The following ATAD3B variants were observed in gnomAD, a reference collection of about 807,000 sequenced individuals.
ATAD3B encodes ATPase family AAA domain containing 3B.
In ATAD3B, 59 loss-of-function variants were observed where a neutral mutation model predicts 70.2. The ratio of observed to expected loss-of-function variants is 0.84; its 90% CI spans 0.68 to 1.04. The LOEUF is 1.04. Among genes scored for constraint, ATAD3B ranks in the 50% least tolerant of loss-of-function variants. The probability of loss-of-function intolerance (pLI) is 0.00; values close to 1 mark genes in which losing one functional copy is unlikely to be tolerated. For synonymous variants in ATAD3B, 423 were observed against 388.6 expected, an observed-to-expected ratio of 1.09 and a Z score of -1.04; for missense variants, 961 against 913.4, an observed-to-expected ratio of 1.05 and a Z score of -0.67.
chr1:1,487,906 C>T lies in ATAD3B; in HGVS notation c.1258C>T (p.Arg420Ter), dbSNP rs571285142. 1.0e-5 allele frequency: 16 copies of T among 1,603,078 alleles called. 1 individual carries two copies. The highest frequency in any genetic ancestry group is 1.3e-5 in the African/African-American group (1 of 74,718). ...TGAAGCAGACGCCTTCCTTCGGAAG[C>T]GAGCCACTGTGAGTGTCACTAAGCC... Reference protein sequence around the residue: ...MDEADAFLRKRATEEISKDLR... With the variant: ...MDEADAFLRK Residue 420 changes from arginine to a stop codon, truncating the protein, a stop_gained, in exon 12 of 16, where the codon CGA becomes TGA. Transcript: ENST00000673477. LOFTEE classifies it high-confidence loss of function.
chr1:1,482,637 G>T lies in ATAD3B; in HGVS notation c.750+23G>T. ...ACGGTAAACATATTCATAAAACAGG[G>T]CTGGCAGGTGGCTGAGAGGCAGCAT... On this transcript the variant is annotated intron_variant, in intron 7 of 15. Coordinates refer to ENST00000673477, the MANE Select transcript of ATAD3B (RefSeq NM_031921.6). 6.2e-7 allele frequency: 1 copy of T among 1,613,290 alleles called. No homozygotes were observed. The highest frequency in any genetic ancestry group is 8.5e-7 in the Non-Finnish European group (1 of 1,179,508).
rs748870883 is a variant in ATAD3B at position 1,490,275 on chromosome 1, C to G, written c.1356C>G (p.Ala452=). The part of the protein sequence containing the change: ...QHSNKFMLVL[A]SNLPEQFDCA... Reference sequence around the variant, plus strand: ...CCTACAGATTCATGCTGGTCCTGGCCAGCAATCTGCCTGAGCAGTTCGACT... The same window carrying G: ...CCTACAGATTCATGCTGGTCCTGGCGAGCAATCTGCCTGAGCAGTTCGACT... The change falls in exon 14 of 16, where the codon GCC becomes GCG. Residue 452 remains alanine, a synonymous_variant. Transcript: ENST00000673477. The G allele has an allele frequency of 2.5e-6, 4 of 1,612,768 alleles. No homozygotes were observed. In the African/African-American group the frequency reaches 5.3e-5, roughly 22 times the overall value.
downstream of ATAD3B, among the ~76,000 whole-genome samples, chr1:1,499,843 C>G (rs1640906711): frequency 6.6e-6 from 1 of 151,152 alleles, no homozygotes; most frequent in Admixed American, 6.6e-5. Context: ...ATCCACCCAC[C>G]TCGGCCTCCC....
chr1:1,491,787 C>T (rs943229756), intron 15 of ATAD3B, among the ~76,000 whole-genome samples: 11 of 152,036 alleles, frequency 7.2e-5, no homozygotes, highest in South Asian at 2.1e-4. Context: ...TGGGTTATGC[C>T]GCTGTGACAA....
intron 15 of ATAD3B, among the ~76,000 whole-genome samples, chr1:1,491,348 T>C (rs1481154020): frequency 6.6e-6 from 1 of 151,914 alleles, no homozygotes; most frequent in African/African-American, 2.4e-5. Flanking sequence ...CTGGCCAATA[T>C]GTCGAAACCC....
Position 1,496,112 on chromosome 1 carries a change from G to C in ATAD3B, c.*295G>C. ...GGCCAGGGGCCACGGAACCCGGCAG[G>C]GGTGTCTGAGGCCGCCCTGTCAGCT... On this transcript the variant is annotated 3_prime_UTR_variant, in exon 16 of 16. Transcript: ENST00000673477. 8.6e-7 allele frequency: 1 copy of C among 1,165,508 alleles called. No individual in the cohort carries two copies. Among genetic ancestry groups the C allele is most frequent in the Non-Finnish European group, 1.1e-6 (1 of 941,948 alleles). 72.2% of individuals were successfully genotyped at this position (1,165,508 alleles called of 1,614,324 possible).
chr1:1,500,602 CTA>C (rs1298308804), downstream of ATAD3B, among the ~76,000 whole-genome samples: 1 of 148,796 alleles, frequency 6.7e-6, no homozygotes, highest in Admixed American at 6.7e-5. Context: ...TTCATTCAGT[CTA>C]ATATATATAT....
In ATAD3B at chr1:1,496,794, GA is replaced by G. The variant is rs1640811472; in HGVS notation, c.*978del. ...CTGTCCCCGCTGGCCCAGGCTTCCG[GA>G]GGCAGCTGCGTCCCTGTCTTGGCTC... On this transcript the variant is annotated 3_prime_UTR_variant, in exon 16 of 16. Coordinates refer to ENST00000673477, the MANE Select transcript of ATAD3B (RefSeq NM_031921.6). The G allele has an allele frequency of 6.7e-6, 1 of 148,226 alleles. No homozygotes were observed. The highest frequency in any genetic ancestry group is 1.5e-5 in the Non-Finnish European group (1 of 67,470). The allele number at this position is 148,226 out of a possible 1,614,324, so 9.2% of individuals were successfully genotyped here. A position where few individuals can be genotyped will look rare whatever the true frequency, so the allele number is the denominator to read the frequency against.
chr1:1,471,907 A>G lies in ATAD3B; in HGVS notation c.23A>G (p.Asn8Ser). 3.1e-6 allele frequency: 4 copies of G among 1,272,386 alleles called. No homozygotes were observed. Among genetic ancestry groups the G allele is most frequent in the Non-Finnish European group, 4.0e-6 (4 of 1,004,282 alleles). The allele number at this position is 1,272,386 out of a possible 1,614,324, so 78.8% of individuals were successfully genotyped here. MSWLFGVNKGPKGEGAGP... is the reference protein window; with the variant it reads MSWLFGVSKGPKGEGAGP... ...AGCATGTCGTGGCTCTTCGGCGTTAACAAGGGCCCCAAGGGTGAAGGCGCG... is the reference window on the plus strand; with the variant it reads ...AGCATGTCGTGGCTCTTCGGCGTTAGCAAGGGCCCCAAGGGTGAAGGCGCG... The change falls in exon 1 of 16, where the codon AAC (asparagine) becomes AGC (serine). Residue 8 changes from asparagine to serine, a missense_variant. Asn to Ser is a conservative substitution (Grantham distance 46). Coordinates refer to ENST00000673477, the MANE Select transcript of ATAD3B (RefSeq NM_031921.6).
Position 1,495,849 on chromosome 1 carries a change from T to C in ATAD3B, c.*32T>C, listed in dbSNP as rs756785910. On this transcript the variant is annotated 3_prime_UTR_variant, in exon 16 of 16. Transcript: ENST00000673477. ...GCTAGGGAGGGGCAGGCCTCCTTCC[T>C]GCCCCTCGAGACACTCTTGGGAGAT... 2 of 1,517,362 alleles carry C rather than the reference T, an allele frequency of 1.3e-6. No individual in the cohort carries two copies. Among genetic ancestry groups the C allele is most frequent in the South Asian group, 2.6e-5 (2 of 78,006 alleles). The allele number at this position is 1,517,362 out of a possible 1,614,324, so 94.0% of individuals were successfully genotyped here.
the ATAD3B span, chr1:1,503,782 A>G: frequency 2.1e-6 from 3 of 1,438,014 alleles, no homozygotes; most frequent in East Asian, 2.5e-5. Flanking sequence ...AGTGGGGTGC[A>G]GGGCCGAGCT....
the ATAD3B span, chr1:1,509,434 T>C: frequency 1.9e-6 from 3 of 1,597,958 alleles, no homozygotes; most frequent in South Asian, 2.2e-5. Flanking sequence ...ATTTAGGAAA[T>C]ACTCCCCGTA....
Position 1,496,205 on chromosome 1 carries a change from G to C in ATAD3B, c.*388G>C. ...AATAAAGTCCCACAGGTGCCTCACC[G>C]CCGTGTCTCTCTATTGACTGACACT... On this transcript the variant is annotated 3_prime_UTR_variant, in exon 16 of 16. Transcript: ENST00000673477. The C allele has an allele frequency of 9.8e-7, 1 of 1,015,326 alleles. No homozygotes were observed. Among genetic ancestry groups the C allele is most frequent in the Non-Finnish European group, 1.2e-6 (1 of 849,182 alleles). 62.9% of individuals were successfully genotyped at this position (1,015,326 alleles called of 1,614,324 possible). A position where few individuals can be genotyped will look rare whatever the true frequency, so the allele number is the denominator to read the frequency against.
chr1:1,499,372 G>C (rs1640892515), downstream of ATAD3B, among the ~76,000 whole-genome samples: 2 of 149,878 alleles, frequency 1.3e-5, no homozygotes, highest in African/African-American at 5.0e-5. Flanking sequence ...AAGTAGCTGG[G>C]ATTACAGGCA....
the ATAD3B span, chr1:1,503,608 G>T: frequency 1.9e-5 from 30 of 1,612,242 alleles, no homozygotes; most frequent in Non-Finnish European, 2.0e-5. Flanking sequence ...CGCCCTGAAT[G>T]TGGCACAGAT....
chr1:1,485,382 T>C (rs2860604), intron 8 of ATAD3B, among the ~76,000 whole-genome samples: 2,453 of 137,806 alleles, frequency 0.018, 13 homozygotes, highest in African/African-American at 0.048. Context: ...TCGGTGTCCC[T>C]TGCTCAGGGC....
intron 7 of ATAD3B, chr1:1,484,807 G>C (rs1206515387): frequency 1.5e-6 from 2 of 1,338,868 alleles, no homozygotes; most frequent in Non-Finnish European, 2.0e-6. Context: ...AAATGGCCCT[G>C]AGTGAGGGCG....
chr1:1,492,727 C>G (rs576387467), intron 15 of ATAD3B, among the ~76,000 whole-genome samples: 1 of 151,984 alleles, frequency 6.6e-6, no homozygotes, highest in Admixed American at 6.6e-5. Context: ...ATCACGGGGT[C>G]AGGAGTTCAA....
chr1:1,482,601 A>G lies in ATAD3B; in HGVS notation c.737A>G (p.Lys246Arg), dbSNP rs747807410. The change falls in exon 7 of 16, where the codon AAA (lysine) becomes AGA (arginine). Residue 246 changes from lysine to arginine, a missense_variant. By Grantham distance (26) the Lys-to-Arg change is conservative (BLOSUM62 2). This residue lies in a region of ATAD3B where 349 missense variants were observed against 307.5 expected (regional missense o/e 1.14). Coordinates refer to ENST00000673477, the MANE Select transcript of ATAD3B (RefSeq NM_031921.6). ...GFRAFVTDRD[K>R]VTATVAGLTL... is the part of the protein sequence containing the mutation. ...CGTGCCTTTGTGACAGACCGGGACA[A>G]AGTGACAGCCACGGTAAACATATTC... is the stretch of plus-strand genomic sequence containing the variant. 5.0e-6 allele frequency: 8 copies of G among 1,613,336 alleles called. No homozygotes were observed. In the South Asian group the frequency reaches 7.7e-5, roughly 16 times the overall value.
Sources: gnomAD v4.1 joint callset for allele counts (sites outside exome capture counted in the v4.1 genomes callset) on GRCh38, gnomAD v4.1.1 for gene constraint, gnomAD v4.1.1 regional missense constraint, MANE v1.5 for transcripts, NCBI Gene and HGNC (gene_info 2026-07-23, HGNC 2026-07-21) for gene names.